The following PTPN1 variants were observed in gnomAD, a reference collection of about 807,000 sequenced individuals.
PTPN1 encodes the protein protein tyrosine phosphatase non-receptor type 1, also known as tyrosine-protein phosphatase non-receptor type 1.
In PTPN1, 12 loss-of-function variants were observed where a neutral mutation model predicts 59.9. That is an observed-to-expected ratio of 0.20 (90% CI 0.13 to 0.32). The LOEUF (loss-of-function observed/expected upper bound fraction) is 0.32, where lower values mean the gene tolerates loss of function less well. PTPN1 is among the 10% of genes least tolerant of loss of function. The pLI is 1.00. For synonymous variants in PTPN1, 178 were observed against 203.6 expected (o/e 0.87, Z 1.07); for missense variants, 356 against 549.2 (o/e 0.65, Z 3.52).
chr20:50,541,088 A>C (rs2082650082), intron 1 of PTPN1, among the ~76,000 whole-genome samples: 1 of 152,194 alleles, frequency 6.6e-6, no homozygotes, highest in South Asian at 2.1e-4. Context: ...GGAGAAGTAG[A>C]GGTGAAGAGG....
chr20:50,561,508 T>A, intron 2 of PTPN1, 55 bp downstream of exon 2: 4 of 1,206,758 alleles, frequency 3.3e-6, no homozygotes, highest in Non-Finnish European at 4.8e-6. Context: ...GCAGGCCTTT[T>A]TAGTCAAGAC....
intron 7 of PTPN1, 90 bp from the exon 8 acceptor site, chr20:50,579,613 C>T: frequency 8.3e-7 from 1 of 1,202,374 alleles, no homozygotes; most frequent in Non-Finnish European, 1.2e-6. Context: ...AGCCCCTCGC[C>T]AAGCCGTCAC....
At chr20:50,572,078 G>T (rs1339795065) in intron 4 of PTPN1, 1 of 152,180 alleles carries the variant, frequency 6.6e-6, no homozygotes, top group African/African-American at 2.4e-5. Context: ...GTCTTTCATA[G>T]GTTTTCCAAA....
chr20:50,559,916 A>G (rs1269241931), intron 1 of PTPN1, among the ~76,000 whole-genome samples: 2 of 140,274 alleles, frequency 1.4e-5, no homozygotes, highest in Non-Finnish European at 3.1e-5. Flanking sequence ...CTTTCCTGTT[A>G]TATCTGGTCA....
At chr20:50,580,527 C>T (rs1291727578) in intron 8 of PTPN1, among the ~76,000 whole-genome samples, 10 of 152,198 alleles carry the variant, frequency 6.6e-5, no homozygotes, top group South Asian at 4.1e-4. Context: ...TAGAGGTGTC[C>T]GCTGAGGTGG....
chr20:50,575,680 T>G (rs1264682610), intron 5 of PTPN1, among the ~76,000 whole-genome samples: 2 of 152,086 alleles, frequency 1.3e-5, no homozygotes, highest in African/African-American at 4.8e-5. Context: ...TCCCAGCACT[T>G]GGGGAGGCTG....
At chr20:50,547,586 A>C (rs1361582495) in intron 1 of PTPN1, among the ~76,000 whole-genome samples, 1 of 150,866 alleles carries the variant, frequency 6.6e-6, no homozygotes, top group East Asian at 1.9e-4. Context: ...CTGGTCTCAA[A>C]CTCCTGACCT....
chr20:50,537,892 A>G (rs750260568), intron 1 of PTPN1, among the ~76,000 whole-genome samples: 5 of 152,222 alleles, frequency 3.3e-5, no homozygotes, highest in Admixed American at 2.6e-4. Context: ...AGTAATGTAC[A>G]TGTCAAATGG....
chr20:50,510,791 C>G (rs1232956259), intron 1 of PTPN1, among the ~76,000 whole-genome samples: 1 of 151,902 alleles, frequency 6.6e-6, no homozygotes, highest in African/African-American at 2.4e-5. Context: ...AGCGTCGGAG[C>G]CCCCTTCGAT....
chr20:50,516,007 C>G (rs900538387), intron 1 of PTPN1, among the ~76,000 whole-genome samples: 2 of 152,170 alleles, frequency 1.3e-5, no homozygotes, highest in African/African-American at 4.8e-5. Context: ...TTAAATATAA[C>G]AATAAATTTG....
chr20:50,546,461 T>C (rs2122758179), intron 1 of PTPN1, among the ~76,000 whole-genome samples: 1 of 152,320 alleles, frequency 6.6e-6, no homozygotes, highest in East Asian at 1.9e-4. Context: ...TTGGTCGTAT[T>C]TTATTCTTTG....
intron 1 of PTPN1, among the ~76,000 whole-genome samples, chr20:50,518,017 A>G (rs189247499): frequency 1.3e-5 from 2 of 152,362 alleles, no homozygotes; most frequent in Admixed American, 6.5e-5. Context: ...CTAGGCTTTC[A>G]AAATAATTTT....
Position 50,568,998 on chromosome 20 carries a change from A to G in PTPN1, c.354+520A>G, listed in dbSNP as rs1434255535. On this transcript the variant is annotated intron_variant, in intron 4 of 9. Coordinates refer to ENST00000371621, the MANE Select transcript of PTPN1 (RefSeq NM_002827.4). This position sits in a 1 kb window ranked among gnomAD's most constrained non-coding sequence, Gnocchi z 5.6. The stretch of plus-strand genomic sequence containing the variant: ...TTGACTTCAGGATGTGTGTCATTCT[A>G]AGTTCCTGCAACTTTTCAAACACCC... 1.3e-5 allele frequency among the ~76,000 whole-genome samples: 2 copies of G among 151,960 alleles called. No homozygotes were observed. Among genetic ancestry groups the G allele is most frequent in the Non-Finnish European group, 2.9e-5 (2 of 68,012 alleles).
chr20:50,576,876 AAATAAT>A (rs1257377306), intron 5 of PTPN1, among the ~76,000 whole-genome samples: 2 of 152,138 alleles, frequency 1.3e-5, no homozygotes, highest in Admixed American at 6.5e-5. Flanking sequence ...CTCTGTCTCA[AAATAAT>A]AATAATAATT....
At chr20:50,575,810 C>T (rs1330167342) in intron 5 of PTPN1, among the ~76,000 whole-genome samples, 1 of 152,134 alleles carries the variant, frequency 6.6e-6, no homozygotes, top group Non-Finnish European at 1.5e-5. Flanking sequence ...CCCCTATAGT[C>T]CAGCTACTCA....
At chr20:50,546,371 C>T (rs1251381379) in intron 1 of PTPN1, among the ~76,000 whole-genome samples, 1 of 152,160 alleles carries the variant, frequency 6.6e-6, no homozygotes. Flanking sequence ...AGCTTGGTTG[C>T]CTGCTTCCTC....
intron 1 of PTPN1, among the ~76,000 whole-genome samples, chr20:50,525,362 G>C (rs951341091): frequency 1.6e-4 from 25 of 152,192 alleles, no homozygotes; most frequent in African/African-American, 5.8e-4. Context: ...CACCTGGCCT[G>C]GTTACTTAAA....
At chr20:50,554,700 G>C (rs1262705061) in intron 1 of PTPN1, among the ~76,000 whole-genome samples, 1 of 152,124 alleles carries the variant, frequency 6.6e-6, no homozygotes, top group African/African-American at 2.4e-5. Context: ...GACAAATGCT[G>C]TTGTCGTATT....
intron 1 of PTPN1, among the ~76,000 whole-genome samples, chr20:50,544,228 G>T (rs1438995651): frequency 3.3e-5 from 5 of 151,838 alleles, no homozygotes; most frequent in Non-Finnish European, 7.4e-5. Flanking sequence ...ATGGCTAACT[G>T]CAGCCTTGAC....
Sources: allele counts gnomAD v4.1 joint callset (sites outside exome capture counted in the v4.1 genomes callset), GRCh38; gene constraint gnomAD v4.1.1; non-coding constraint Gnocchi (gnomAD v3.1); transcripts MANE v1.5; gene names NCBI Gene and HGNC (gene_info 2026-07-23, HGNC 2026-07-21).